SHC4: variants seen among roughly 807,000 people sequenced by gnomAD.
SHC4 encodes the protein SHC adaptor protein 4, also known as SHC-transforming protein 4.
Under a neutral mutation model 69.4 loss-of-function variants are expected in SHC4, and 41 were observed. The observed-to-expected ratio is 0.59, with a 90% CI of 0.46 to 0.77. The LOEUF (loss-of-function observed/expected upper bound fraction) is 0.77. Among genes scored for constraint, SHC4 ranks in the 30% least tolerant of loss-of-function variants. SHC4 has a pLI of 0.00. For missense variants in SHC4, 777 were observed against 783.8 expected (o/e 0.99, Z 0.10); for synonymous variants, 318 against 299.3 (o/e 1.06, Z -0.64).
intron 4 of SHC4, among the ~76,000 whole-genome samples, chr15:48,881,563 G>A (rs903346993): frequency 1.3e-5 from 2 of 152,010 alleles, no homozygotes; most frequent in Non-Finnish European, 2.9e-5. Flanking sequence ...ATCTCAAGTT[G>A]CCTCTCCTTG....
intron 4 of SHC4, chr15:48,878,028 T>C (rs374853218): frequency 7.0e-6 from 7 of 993,492 alleles, no homozygotes; most frequent in South Asian, 5.3e-5. Flanking sequence ...CCAACCACAG[T>C]GGCGCGCCAA....
At chr15:48,869,195 G>A (rs563980380) in intron 5 of SHC4, among the ~76,000 whole-genome samples, 4 of 152,346 alleles carry the variant, frequency 2.6e-5, no homozygotes, top group Admixed American at 6.5e-5. Flanking sequence ...TACTCACAAT[G>A]CACTTTTTAA....
intron 9 of SHC4, among the ~76,000 whole-genome samples, chr15:48,849,344 AG>A (rs1485261419): frequency 6.6e-6 from 1 of 151,918 alleles, no homozygotes; most frequent in East Asian, 1.9e-4. Flanking sequence ...TCACTTCCTT[AG>A]GGAGAGCCTC....
intron 1 of SHC4, among the ~76,000 whole-genome samples, chr15:48,937,186 A>G: frequency 6.6e-6 from 1 of 152,328 alleles, no homozygotes; most frequent in Non-Finnish European, 1.5e-5. Context: ...TGAGCCTCAT[A>G]ATGAAACTGT....
At chr15:48,918,891 T>G (rs1476903906) in intron 2 of SHC4, among the ~76,000 whole-genome samples, 1 of 152,164 alleles carries the variant, frequency 6.6e-6, no homozygotes, top group Admixed American at 6.5e-5. Flanking sequence ...AATTTACCCT[T>G]CTTTGATGGG....
chr15:48,852,373 G>T (rs887209759), intron 8 of SHC4, among the ~76,000 whole-genome samples: 1 of 152,194 alleles, frequency 6.6e-6, no homozygotes, highest in African/African-American at 2.4e-5. Flanking sequence ...ATGGATCAAT[G>T]TATGATAATC....
At chr15:48,890,072 T>C (rs1468160909) in intron 3 of SHC4, among the ~76,000 whole-genome samples, 2 of 152,202 alleles carry the variant, frequency 1.3e-5, no homozygotes, top group African/African-American at 4.8e-5. Context: ...CATCACTTCG[T>C]TTATTTCTTA....
chr15:48,895,749 G>GA (rs1156244673), intron 2 of SHC4, among the ~76,000 whole-genome samples: 4 of 151,882 alleles, frequency 2.6e-5, no homozygotes, highest in African/African-American at 4.8e-5. Context: ...CTGCTCAAAA[G>GA]AAAAAAAGGG....
intron 2 of SHC4, among the ~76,000 whole-genome samples, chr15:48,921,754 C>A (rs1037888515): frequency 1.3e-5 from 2 of 152,162 alleles, no homozygotes; most frequent in African/African-American, 4.8e-5. Flanking sequence ...GTGCTTAATG[C>A]CACTGAACTA....
intron 6 of SHC4, among the ~76,000 whole-genome samples, chr15:48,863,754 G>C (rs1325527436): frequency 3.9e-5 from 6 of 152,104 alleles, no homozygotes; most frequent in Non-Finnish European, 8.8e-5. Context: ...ATTATAATTT[G>C]TGTGTCTGAT....
intron 1 of SHC4, among the ~76,000 whole-genome samples, chr15:48,941,443 G>C (rs1901173212): frequency 6.6e-6 from 1 of 152,096 alleles, no homozygotes; most frequent in Non-Finnish European, 1.5e-5. Flanking sequence ...TTTTTGTTTT[G>C]AGAAATTGAT....
chr15:48,907,243 G>C (rs1479254370), intron 2 of SHC4, among the ~76,000 whole-genome samples: 2 of 141,102 alleles, frequency 1.4e-5, no homozygotes, highest in African/African-American at 5.3e-5. Flanking sequence ...TTTTTTTTTC[G>C]AGACAGAGTT....
At chr15:48,901,923 CG>C (rs1900325542) in intron 2 of SHC4, among the ~76,000 whole-genome samples, 1 of 151,896 alleles carries the variant, frequency 6.6e-6, no homozygotes, top group African/African-American at 2.4e-5. Context: ...GGGTCTAGGC[CG>C]GGTGCAGTGG....
chr15:48,870,079 C>T (rs558440108), intron 5 of SHC4, among the ~76,000 whole-genome samples: 1 of 152,334 alleles, frequency 6.6e-6, no homozygotes, highest in East Asian at 1.9e-4. Flanking sequence ...AACATGATGA[C>T]AACCCTTAAG....
intron 2 of SHC4, among the ~76,000 whole-genome samples, chr15:48,919,712 C>A (rs1900707141): frequency 6.6e-6 from 1 of 152,108 alleles, no homozygotes. Flanking sequence ...GGATCCCTTA[C>A]TTTATTCAGG....
At chr15:48,939,747 C>A (rs1431450379) in intron 1 of SHC4, among the ~76,000 whole-genome samples, 1 of 152,148 alleles carries the variant, frequency 6.6e-6, no homozygotes, top group African/African-American at 2.4e-5. Context: ...ACTTCTCAGA[C>A]CCAAATAAAT....
chr15:48,848,870 A>G (rs369849383), intron 9 of SHC4, among the ~76,000 whole-genome samples: 3 of 152,134 alleles, frequency 2.0e-5, no homozygotes, highest in African/African-American at 7.2e-5. Context: ...CTTGGGGGAA[A>G]AAGAAGAAGG....
chr15:48,928,665 G>A (rs540166593), intron 1 of SHC4, among the ~76,000 whole-genome samples: 1 of 152,110 alleles, frequency 6.6e-6, no homozygotes, highest in Non-Finnish European at 1.5e-5. Flanking sequence ...ACACTTCATG[G>A]TTATAACCAC....
intron 4 of SHC4, chr15:48,879,401 A>C (rs1899895504): frequency 6.0e-6 from 1 of 167,140 alleles, no homozygotes; most frequent in African/African-American, 2.4e-5. Flanking sequence ...CTATAAATCA[A>C]GAAAATCCAT....
Sources: gnomAD v4.1 joint callset for allele counts (sites outside exome capture counted in the v4.1 genomes callset) on GRCh38, gnomAD v4.1.1 for gene constraint, MANE v1.5 for transcripts, NCBI Gene and HGNC (gene_info 2026-07-23, HGNC 2026-07-21) for gene names.